PDLIM1: variants seen among roughly 807,000 people sequenced by gnomAD.
PDLIM1 encodes PDZ and LIM domain protein 1.
Under a neutral mutation model 35.2 loss-of-function variants are expected in PDLIM1, and 25 were observed. The observed-to-expected ratio is 0.71, with a 90% confidence interval of 0.52 to 0.99. The LOEUF (loss-of-function observed/expected upper bound fraction) is 0.99, where lower values mean the gene tolerates loss of function less well. Among genes scored for constraint, PDLIM1 ranks in the 50% least tolerant of loss-of-function variants. PDLIM1 has a pLI of 0.00. For synonymous variants in PDLIM1, 152 were observed against 154.0 expected (o/e 0.99, Z 0.10); for missense variants, 363 against 415.3 (o/e 0.87, Z 1.09).
At chr10:95,248,126 A>C (rs1181910672) in intron 4 of PDLIM1, among the ~76,000 whole-genome samples, 2 of 152,186 alleles carry the variant, frequency 1.3e-5, no homozygotes, top group African/African-American at 4.8e-5. Flanking sequence ...GTAGTCTCTC[A>C]TCAGCTATAC....
At position 95,284,452 on chromosome 10, in the gene PDLIM1, A is replaced by G. The variant is rs537937192; in HGVS notation, c.96+6368T>C. Among the ~76,000 whole-genome samples, 7 of 152,016 alleles carry G rather than the reference A, an allele frequency of 4.6e-5. No individual in the cohort carries two copies. In the South Asian group the frequency reaches 1.5e-3, roughly 32 times the overall value. On this transcript the variant is annotated intron_variant, in intron 1 of 6. Coordinates refer to ENST00000329399, the MANE Select transcript of PDLIM1 (RefSeq NM_020992.4). ...CACTGCAACCTCCGCCTCCCAAGTT[A>G]GAGCAATTCTCCTGCCTCAGCCTCT...
intron 1 of PDLIM1, among the ~76,000 whole-genome samples, chr10:95,288,649 A>C (rs1405737211): frequency 6.6e-6 from 1 of 152,070 alleles, no homozygotes; most frequent in African/African-American, 2.4e-5. Context: ...TCAGATGGCC[A>C]CACCAGGGTC....
At chr10:95,264,138 C>T (rs2296962) in intron 3 of PDLIM1, 75 bp from the exon 4 acceptor site, 850,023 of 1,286,096 alleles carry the variant, frequency 0.66, 289,458 homozygotes, top group Non-Finnish European at 0.7. Context: ...GCAGGCTGAG[C>T]GCCAGGGAGA....
chr10:95,253,327 A>G (rs1589509015), intron 4 of PDLIM1, among the ~76,000 whole-genome samples: 2 of 152,206 alleles, frequency 1.3e-5, no homozygotes, highest in African/African-American at 2.4e-5. Context: ...AGATACAGGG[A>G]AACTGAGAGC....
At chr10:95,257,327 A>C (rs2035324908) in intron 4 of PDLIM1, among the ~76,000 whole-genome samples, 1 of 152,108 alleles carries the variant, frequency 6.6e-6, no homozygotes, top group African/African-American at 2.4e-5. Context: ...AAACAAATAG[A>C]ACTACATCAA....
intron 4 of PDLIM1, among the ~76,000 whole-genome samples, chr10:95,254,157 T>C (rs1029116076): frequency 1.3e-5 from 2 of 152,136 alleles, no homozygotes; most frequent in African/African-American, 4.8e-5. Flanking sequence ...ATCATCTAAA[T>C]AAACCAACTG....
intron 4 of PDLIM1, 64 bp downstream of exon 4, chr10:95,263,800 C>T: frequency 7.6e-7 from 1 of 1,322,546 alleles, no homozygotes; most frequent in Non-Finnish European, 1.1e-6. Flanking sequence ...CCTGGGCAGC[C>T]CTGGTCCTGA....
At chr10:95,270,176 G>A (rs1003310559) in intron 2 of PDLIM1, among the ~76,000 whole-genome samples, 1 of 152,090 alleles carries the variant, frequency 6.6e-6, no homozygotes, top group African/African-American at 2.4e-5. Flanking sequence ...GAGAGGATTT[G>A]GACAAAGATA....
rs773112973 is a variant in PDLIM1 at position 95,237,703 on chromosome 10, G to A, written c.*222C>T. ...TGGGGCGAAGGGACACAGTGTTGCT[G>A]ACAAGGTGACACTGAACAAAACAGT... On this transcript the variant is annotated 3_prime_UTR_variant, in exon 7 of 7. Coordinates refer to ENST00000329399, the MANE Select transcript of PDLIM1 (RefSeq NM_020992.4). 7.1e-5 allele frequency: 38 copies of A among 536,992 alleles called. No individual in the cohort carries two copies. Among genetic ancestry groups the A allele is most frequent in the Non-Finnish European group, 1.1e-4 (34 of 301,660 alleles). 33.3% of individuals were successfully genotyped at this position (536,992 alleles called of 1,614,324 possible).
intron 4 of PDLIM1, among the ~76,000 whole-genome samples, chr10:95,259,359 G>A (rs774687798): frequency 1.4e-4 from 22 of 152,136 alleles, no homozygotes; most frequent in Admixed American, 6.5e-4. Flanking sequence ...TTATGTAGGT[G>A]GGGGAAAGGA....
intron 4 of PDLIM1, among the ~76,000 whole-genome samples, chr10:95,251,314 C>T (rs531657848): frequency 6.6e-6 from 1 of 151,610 alleles, no homozygotes; most frequent in South Asian, 2.1e-4. Context: ...AGGCCAGGTG[C>T]GGTGGCTCAC....
At chr10:95,278,822 TA>T (rs1244847815) in intron 1 of PDLIM1, among the ~76,000 whole-genome samples, 1 of 152,178 alleles carries the variant, frequency 6.6e-6, no homozygotes, top group Non-Finnish European at 1.5e-5. Flanking sequence ...ACAGATACTC[TA>T]ACCGACGCTC....
rs2035182505 is a variant in PDLIM1, at chr10:95,242,023, T to C, written c.686-3338A>G. Among the ~76,000 whole-genome samples, 3 of 152,290 alleles carry C rather than the reference T, an allele frequency of 2.0e-5. No homozygotes were observed. The South Asian group carries it at 6.2e-4, about 32-fold the overall frequency. ...ATGCTGCCATGGCTCAGACTTAGGC[T>C]TCCCCCCTCAGAGCTGGGACTATTC... On this transcript the variant is annotated intron_variant, in intron 5 of 6. Transcript: ENST00000329399.
chr10:95,237,725 C>T lies in PDLIM1; in HGVS notation c.*200G>A, dbSNP rs887469175. 8 of 568,644 alleles carry T rather than the reference C, an allele frequency of 1.4e-5. No homozygotes were observed. Among genetic ancestry groups the T allele is most frequent in the African/African-American group, 3.7e-5 (2 of 53,348 alleles). The allele number at this position is 568,644 out of a possible 1,614,324, so 35.2% of individuals were successfully genotyped here. A position where few individuals can be genotyped will look rare whatever the true frequency, so the allele number is the denominator to read the frequency against. ...GCTGACAAGGTGACACTGAACAAAACAGTTTTCCTTTAATTGTAAAAGCGG... is the reference window on the plus strand; with the variant it reads ...GCTGACAAGGTGACACTGAACAAAATAGTTTTCCTTTAATTGTAAAAGCGG... On this transcript the variant is annotated 3_prime_UTR_variant, in exon 7 of 7. Transcript: ENST00000329399.
rs200967454 is a variant in PDLIM1 at position 95,268,766 on chromosome 10, G to C, written c.333+12C>G. 1.5e-5 allele frequency: 23 copies of C among 1,578,812 alleles called. No individual in the cohort carries two copies. In the East Asian group the frequency reaches 5.1e-4, roughly 35 times the overall value. On this transcript the variant is annotated intron_variant, in intron 3 of 6. Transcript: ENST00000329399. ...GTGGTGAGAGCAGCGGCAACGATGAGCAAGAACTTACCTGGGGTTCAGAGG... is the reference window on the plus strand; with the variant it reads ...GTGGTGAGAGCAGCGGCAACGATGACCAAGAACTTACCTGGGGTTCAGAGG...
At chr10:95,279,925 G>A (rs931245493) in intron 1 of PDLIM1, among the ~76,000 whole-genome samples, 1 of 152,170 alleles carries the variant, frequency 6.6e-6, no homozygotes, top group Admixed American at 6.5e-5. Flanking sequence ...GCTGCAAACA[G>A]GCCATATGCT....
intron 4 of PDLIM1, among the ~76,000 whole-genome samples, chr10:95,260,777 T>C (rs1465179464): frequency 6.6e-6 from 1 of 152,224 alleles, no homozygotes; most frequent in Non-Finnish European, 1.5e-5. Flanking sequence ...ATTCTGGAAC[T>C]TCAGCGAATT....
At chr10:95,287,140 C>T (rs1360921471) in intron 1 of PDLIM1, among the ~76,000 whole-genome samples, 1 of 152,166 alleles carries the variant, frequency 6.6e-6, no homozygotes, top group African/African-American at 2.4e-5. Flanking sequence ...GTCCTCTTCC[C>T]CCTCTCTCCT....
intron 3 of PDLIM1, among the ~76,000 whole-genome samples, chr10:95,265,593 CAAAAAAAAAAAA>C (rs56893525): frequency 7.1e-5 from 6 of 84,000 alleles, no homozygotes; most frequent in South Asian, 8.5e-4. Context: ...GGAACTCTGT[CAAAAAAAAAAAA>C]AAAAAAAAAA....
Sources: gnomAD v4.1 joint callset for allele counts (sites outside exome capture counted in the v4.1 genomes callset) on GRCh38, gnomAD v4.1.1 for gene constraint, MANE v1.5 for transcripts, NCBI Gene and HGNC (gene_info 2026-07-23, HGNC 2026-07-21) for gene names.